Variants in SECISBP2L observed in about 807,000 individuals in gnomAD.
SECISBP2L encodes selenocysteine insertion sequence-binding protein 2-like.
In SECISBP2L, 43 loss-of-function variants were observed where a neutral mutation model predicts 114.7. That is an observed-to-expected ratio of 0.38 (90% CI 0.29 to 0.48). The LOEUF (loss-of-function observed/expected upper bound fraction) is 0.48, where lower values mean the gene tolerates loss of function less well. Ranked by LOEUF, SECISBP2L falls within the 20% of genes least tolerant of loss-of-function variation. The probability of loss-of-function intolerance (pLI) is 0.98; values close to 1 mark genes in which losing one functional copy is unlikely to be tolerated. For missense variants in SECISBP2L, 1,136 were observed against 1,301.1 expected (o/e 0.87, Z 1.95); for synonymous variants, 451 against 439.7 (o/e 1.03, Z -0.32).
rs201899043 is a variant in SECISBP2L, at chr15:48,996,555, T to G, written c.2435A>C (p.Glu812Ala). 1 of 1,614,040 alleles carries G rather than the reference T, an allele frequency of 6.2e-7. No individual in the cohort carries two copies. Among genetic ancestry groups the G allele is most frequent in the Admixed American group, 1.7e-5 (1 of 59,992 alleles). The change falls in exon 17 of 18, where the codon GAG becomes GCG. Residue 812 changes from glutamate (E) to alanine (A), a missense_variant. Glu to Ala is a moderately radical substitution (Grantham distance 107). Coordinates refer to ENST00000559471, the MANE Select transcript of SECISBP2L (RefSeq NM_001193489.2). ...SLFNKLVELT[E>A]EARKAYKDMV... Reference sequence around the variant, plus strand: ...ATCTTTATATGCTTTCCTGGCCTCCTCAGTGAGTTCTACTAATTTATTAAA... The same window carrying G: ...ATCTTTATATGCTTTCCTGGCCTCCGCAGTGAGTTCTACTAATTTATTAAA...
chr15:49,007,018 T>A (rs1334916023), intron 14 of SECISBP2L, among the ~76,000 whole-genome samples: 1 of 152,198 alleles, frequency 6.6e-6, no homozygotes, highest in Admixed American at 6.5e-5. Context: ...GCTATTCCTT[T>A]CTGTTTGCTA....
chr15:49,002,890 T>C (rs1902240828), intron 14 of SECISBP2L, among the ~76,000 whole-genome samples: 1 of 152,228 alleles, frequency 6.6e-6, no homozygotes, highest in African/African-American at 2.4e-5. Context: ...GTGTAATGCC[T>C]CCAGCTTTGT....
intron 1 of SECISBP2L, among the ~76,000 whole-genome samples, chr15:49,041,202 T>C (rs1008685398): frequency 6.6e-6 from 1 of 152,214 alleles, no homozygotes; most frequent in Non-Finnish European, 1.5e-5. Flanking sequence ...ACCATCTACA[T>C]AGCAAAACTA....
intron 11 of SECISBP2L, 101 bp downstream of exon 11, chr15:49,016,453 CACATAT>C: frequency 2.2e-6 from 2 of 924,422 alleles, no homozygotes; most frequent in African/African-American, 3.4e-5. Flanking sequence ...CACACACACA[CACATAT>C]ATATACACAT....
Position 49,028,470 on chromosome 15 carries a change from C to A in SECISBP2L, c.877G>T (p.Asp293Tyr). 1 of 1,614,106 alleles carries A rather than the reference C, an allele frequency of 6.2e-7. No individual in the cohort carries two copies. The highest frequency in any genetic ancestry group is 8.5e-7 in the Non-Finnish European group (1 of 1,179,980). ...TCACATACATTCATGGTCCCAGAAT[C>A]AGGATTTCTCAAAGCCCCTGCTGCA... ...QPAAGALRNP[D>Y]SGTMNHVESS... The change falls in exon 5 of 18, where the codon GAT becomes TAT. Residue 293 changes from aspartate to tyrosine, a missense_variant. Physicochemically the swap from Asp to Tyr is radical, Grantham distance 160 (BLOSUM62 -3). Transcript: ENST00000559471.
intron 14 of SECISBP2L, among the ~76,000 whole-genome samples, chr15:49,003,158 T>TG (rs1902245390): frequency 1.3e-5 from 2 of 151,880 alleles, no homozygotes; most frequent in African/African-American, 4.8e-5. Context: ...CTTGAAGAGT[T>TG]CCTTCACATC....
chr15:49,046,167 C>A, intron 1 of SECISBP2L, 109 bp downstream of exon 1: 2 of 1,299,982 alleles, frequency 1.5e-6, no homozygotes, highest in Non-Finnish European at 2.1e-6. Flanking sequence ...AGGGGGTCTG[C>A]GGCCGCAGGA....
chr15:49,038,918 C>T lies in SECISBP2L; in HGVS notation c.25-1149G>A, dbSNP rs1022597693. On this transcript the variant is annotated intron_variant, in intron 1 of 17. Transcript: ENST00000559471. ...ACTAGGGTGATATTTATTAGAGGCT[C>T]CCACCAAAACATAGTTGTAAGAATA... Among the ~76,000 whole-genome samples the T allele has an allele frequency of 2.6e-5, 4 of 152,074 alleles. No homozygotes were observed. The East Asian group carries it at 7.7e-4, about 29-fold the overall frequency.
chr15:49,016,669 ATTC>A lies in SECISBP2L; in HGVS notation c.1449_1451del (p.Lys483del), dbSNP rs745578328. On this transcript the variant is annotated inframe_deletion, in exon 11 of 18. Transcript: ENST00000559471. ...CTAAATCTAGCTGCACAGGTGTTTT[ATTC>A]TTTTTTCCAGCTGCTTTTGATAAAG... The A allele has an allele frequency of 4.4e-6, 7 of 1,595,288 alleles. No individual in the cohort carries two copies. Among genetic ancestry groups the A allele is most frequent in the Non-Finnish European group, 6.0e-6 (7 of 1,173,430 alleles).
At chr15:49,034,341 T>G (rs1013114689) in intron 3 of SECISBP2L, among the ~76,000 whole-genome samples, 1 of 152,132 alleles carries the variant, frequency 6.6e-6, no homozygotes, top group South Asian at 2.1e-4. Context: ...AGGCTTCAAC[T>G]GTAAAATAGC....
At chr15:49,027,566 G>T (rs1267253644) in intron 6 of SECISBP2L, 86 bp from the exon 7 acceptor site, 4 of 707,346 alleles carry the variant, frequency 5.7e-6, no homozygotes, top group African/African-American at 1.8e-5. Flanking sequence ...CTGAAATTCA[G>T]TCACTAGAAA....
chr15:49,016,818 T>C, intron 10 of SECISBP2L, 30 bp downstream of exon 10: 1 of 1,598,794 alleles, frequency 6.3e-7, no homozygotes, highest in Non-Finnish European at 8.5e-7. Context: ...AAGTAAACTA[T>C]CACATTTGTT....
chr15:49,015,044 T>C (rs1424878385), intron 11 of SECISBP2L, among the ~76,000 whole-genome samples: 1 of 152,124 alleles, frequency 6.6e-6, no homozygotes, highest in Admixed American at 6.6e-5. Flanking sequence ...ATAACCCAGA[T>C]ACTCTATAAG....
At chr15:49,002,448 A>C (rs2141063209) in intron 14 of SECISBP2L, among the ~76,000 whole-genome samples, 1 of 152,302 alleles carries the variant, frequency 6.6e-6, no homozygotes, top group South Asian at 2.1e-4. Context: ...GAAGCTCTTC[A>C]GTTTAACTAG....
rs1427490220 is a variant in SECISBP2L at position 49,033,057 on chromosome 15, A to C, written c.572T>G (p.Val191Gly). The C allele has an allele frequency of 6.2e-7, 1 of 1,613,958 alleles. No homozygotes were observed. The highest frequency in any genetic ancestry group is 8.5e-7 in the Non-Finnish European group (1 of 1,180,008). ...QQHIKSKRPL[V>G]KNVATQKETN... Reference sequence around the variant, plus strand: ...TTCTTTCTGAGTAGCTACATTTTTCACCAGCGGCCTTTTGCTTTTTATGTG... The same window carrying C: ...TTCTTTCTGAGTAGCTACATTTTTCCCCAGCGGCCTTTTGCTTTTTATGTG... The change falls in exon 4 of 18, where the codon GTG becomes GGG. Residue 191 changes from valine (V) to glycine (G), a missense_variant. Val to Gly is a moderately radical substitution (Grantham distance 109). Around this residue, in one of 2 missense-constraint regions of SECISBP2L, gnomAD observed 452 missense variants for 452.3 expected, o/e 1.00. Transcript: ENST00000559471.
At chr15:49,043,961 AGC>A (rs1441628908) in intron 1 of SECISBP2L, among the ~76,000 whole-genome samples, 2 of 151,828 alleles carry the variant, frequency 1.3e-5, no homozygotes, top group East Asian at 1.9e-4. Flanking sequence ...GCAAAAAAAA[AGC>A]GTTTTTTTTT....
intron 1 of SECISBP2L, 100 bp from the exon 2 acceptor site, chr15:49,037,869 T>C (rs1475085126): frequency 1.1e-6 from 1 of 887,780 alleles, no homozygotes; most frequent in Non-Finnish European, 1.6e-6. Context: ...TAAACAGTAA[T>C]TAGGTCTCTT....
intron 7 of SECISBP2L, among the ~76,000 whole-genome samples, chr15:49,026,117 C>G (rs543647496): frequency 6.6e-6 from 1 of 152,088 alleles, no homozygotes; most frequent in Non-Finnish European, 1.5e-5. Context: ...GTGAAATAAG[C>G]AAGGCACAGA....
In SECISBP2L at chr15:48,992,460, G is replaced by T. The variant is rs1902002006; in HGVS notation, c.3090C>A (p.Thr1030=). 1 of 1,614,000 alleles carries T rather than the reference G, an allele frequency of 6.2e-7. No homozygotes were observed. Among genetic ancestry groups the T allele is most frequent in the South Asian group, 1.1e-5 (1 of 91,078 alleles). Residue 1030 remains threonine (T), a synonymous_variant, in exon 18 of 18, where the codon ACC becomes ACA. Transcript: ENST00000559471. Reference sequence around the variant, plus strand: ...CATTAAGGGTTTTTCCAAGCTGAAGGGTTTCCATAGTTCTCTGGGTCTCTG... The same window carrying T: ...CATTAAGGGTTTTTCCAAGCTGAAGTGTTTCCATAGTTCTCTGGGTCTCTG... ...WVSETQRTME[T]LQLGKTLNGS... is the part of the protein sequence containing the mutation.
Sources: gnomAD v4.1 joint callset for allele counts (sites outside exome capture counted in the v4.1 genomes callset) on GRCh38, gnomAD v4.1.1 for gene constraint, gnomAD v4.1.1 regional missense constraint, MANE v1.5 for transcripts, NCBI Gene and HGNC (gene_info 2026-07-23, HGNC 2026-07-21) for gene names.